Variants in COL4A1 observed in about 807,000 individuals in gnomAD.
COL4A1 encodes the protein collagen type IV alpha 1 chain, also known as collagen alpha-1(IV) chain.
Under a neutral mutation model 216.6 loss-of-function variants are expected in COL4A1, and 40 were observed. That is an observed-to-expected ratio of 0.18 (90% confidence interval 0.14 to 0.24). The LOEUF is 0.24. Ranked by LOEUF, COL4A1 falls within the 10% of genes least tolerant of loss-of-function variation. The probability of loss-of-function intolerance (pLI) is 1.00; values close to 1 mark genes in which losing one functional copy is unlikely to be tolerated. For synonymous variants in COL4A1, 839 were observed against 810.7 expected (o/e 1.03, Z -0.59); for missense variants, 1,628 against 2,196.8 (o/e 0.74, Z 5.18).
chr13:110,256,555 G>GA (rs1882579136), intron 1 of COL4A1, among the ~76,000 whole-genome samples: 1 of 152,160 alleles, frequency 6.6e-6, no homozygotes, highest in African/African-American at 2.4e-5. Context: ...TCCAGAAAGA[G>GA]AAAGCAAGGG....
At chr13:110,226,831 TAAAATCTTGGTTTTA>T (rs1446321694) in intron 2 of COL4A1, among the ~76,000 whole-genome samples, 1 of 152,246 alleles carries the variant, frequency 6.6e-6, no homozygotes, top group Non-Finnish European at 1.5e-5. Context: ...GTGTTTTGCT[TAAAATCTTGGTTTTA>T]AAACTGAATA....
In COL4A1 at chr13:110,233,277, T is replaced by A. The variant is rs553792291; in HGVS notation, c.144+9398A>T. On this transcript the variant is annotated intron_variant, in intron 2 of 51. Transcript: ENST00000375820. ...GCCAGATGATGATTCATGTGCGGTATGTGGAAATAGGAAATAGGGGACATC... is the reference window on the plus strand; with the variant it reads ...GCCAGATGATGATTCATGTGCGGTAAGTGGAAATAGGAAATAGGGGACATC... Among the ~76,000 whole-genome samples the A allele has an allele frequency of 4.6e-5, 7 of 152,180 alleles. No homozygotes were observed. The East Asian group carries it at 1.4e-3, about 29-fold the overall frequency.
rs1025831368 is a variant in COL4A1 at position 110,164,714 on chromosome 13, G to A, written c.4150+148C>T. Reference sequence around the variant, plus strand: ...TTAAAAATGTCATAGGTTTTGATATGCATTGAAGGGAGGTAAGAAACTCAT... The same window carrying A: ...TTAAAAATGTCATAGGTTTTGATATACATTGAAGGGAGGTAAGAAACTCAT... On this transcript the variant is annotated intron_variant, in intron 46 of 51. Transcript: ENST00000375820. The A allele has an allele frequency of 1.7e-5, 20 of 1,203,820 alleles. No individual in the cohort carries two copies. The highest frequency in any genetic ancestry group is 8.9e-5 in the Admixed American group (3 of 33,586). The allele number at this position is 1,203,820 out of a possible 1,614,324, so 74.6% of individuals were successfully genotyped here.
intron 36 of COL4A1, 135 bp from the exon 37 acceptor site, chr13:110,175,492 C>T (rs1266625580): frequency 6.9e-7 from 1 of 1,441,270 alleles, no homozygotes; most frequent in African/African-American, 1.4e-5. Flanking sequence ...GATTGAGATA[C>T]AAGAATGCAC....
intron 1 of COL4A1, among the ~76,000 whole-genome samples, chr13:110,249,918 C>A (rs988897276): frequency 6.6e-6 from 1 of 152,142 alleles, no homozygotes; most frequent in African/African-American, 2.4e-5. Flanking sequence ...AAATTAACTT[C>A]TCTCCCTTAT....
chr13:110,243,307 T>C (rs891550904), intron 1 of COL4A1, among the ~76,000 whole-genome samples: 4 of 152,146 alleles, frequency 2.6e-5, no homozygotes, highest in Non-Finnish European at 5.9e-5. Flanking sequence ...AACAACAAAA[T>C]ATTCTTGTAG....
At chr13:110,228,664 C>T (rs1347663336) in intron 2 of COL4A1, among the ~76,000 whole-genome samples, 1 of 152,216 alleles carries the variant, frequency 6.6e-6, no homozygotes, top group African/African-American at 2.4e-5. Context: ...CCTAAATTAT[C>T]ATCTATTTCC....
intron 1 of COL4A1, among the ~76,000 whole-genome samples, chr13:110,288,278 AAT>A (rs1883928161): frequency 3.0e-5 from 4 of 133,804 alleles, no homozygotes; most frequent in African/African-American, 6.0e-5. Flanking sequence ...AAAAAAAAAT[AAT>A]AATAATAATA....
intron 4 of COL4A1, among the ~76,000 whole-genome samples, chr13:110,213,419 C>T (rs1879915726): frequency 6.6e-6 from 1 of 152,194 alleles, no homozygotes; most frequent in African/African-American, 2.4e-5. Context: ...AATACCATGA[C>T]TTTTCCATTA....
intron 1 of COL4A1, among the ~76,000 whole-genome samples, chr13:110,282,802 T>A (rs1883686111): frequency 3.3e-5 from 5 of 152,208 alleles, no homozygotes; most frequent in Admixed American, 3.3e-4. Flanking sequence ...ATTTAAGTAT[T>A]CACAAGCTTT....
rs543247126 is a variant in COL4A1 at position 110,293,257 on chromosome 13, G to A, written c.84+13687C>T. On this transcript the variant is annotated intron_variant, in intron 1 of 51. Coordinates refer to ENST00000375820, the MANE Select transcript of COL4A1 (RefSeq NM_001845.6). ...GGCACCTAGAGAAGTGTTTCTGGAC[G>A]TCTGCAGGCTGCCAAAGCTGGGGGC... Among the ~76,000 whole-genome samples, 6 of 152,314 alleles carry A rather than the reference G, an allele frequency of 3.9e-5. No homozygotes were observed. In the East Asian group the frequency reaches 5.8e-4, roughly 15 times the overall value.
At chr13:110,213,875 A>G (rs1211217979) in intron 3 of COL4A1, 49 bp from the exon 4 acceptor site, 1 of 1,613,378 alleles carries the variant, frequency 6.2e-7, no homozygotes, top group Non-Finnish European at 8.5e-7. Context: ...CTATCTCAAG[A>G]ATGCGGGCAA....
At chr13:110,213,902 C>A in intron 3 of COL4A1, 24 bp downstream of exon 3, 1 of 1,613,664 alleles carries the variant, frequency 6.2e-7, no homozygotes, top group Non-Finnish European at 8.5e-7. Context: ...ATCCACCCAC[C>A]CCCAATCCCA....
At chr13:110,203,494 T>C in intron 18 of COL4A1, 72 bp downstream of exon 18, 1 of 1,552,276 alleles carries the variant, frequency 6.4e-7, no homozygotes, top group East Asian at 2.3e-5. Flanking sequence ...CCCCCAGTGC[T>C]CTCACAGACC....
intron 10 of COL4A1, 150 bp downstream of exon 10, chr13:110,209,830 C>T (rs768429125): frequency 3.1e-6 from 3 of 980,184 alleles, no homozygotes; most frequent in South Asian, 1.3e-5. Flanking sequence ...GCCAGCCAAA[C>T]GTTTAGTAAG....
intron 40 of COL4A1, 114 bp from the exon 41 acceptor site, chr13:110,172,884 A>C (rs1254093516): frequency 1.2e-6 from 1 of 855,350 alleles, no homozygotes; most frequent in African/African-American, 1.7e-5. Context: ...TGGAGTACAT[A>C]GATATTAGTT....
At chr13:110,153,915 C>T (rs1474761438) in intron 50 of COL4A1, among the ~76,000 whole-genome samples, 1 of 152,172 alleles carries the variant, frequency 6.6e-6, no homozygotes, top group East Asian at 1.9e-4. Context: ...GAAGGTGGAA[C>T]AGAGACCCTC....
intron 1 of COL4A1, among the ~76,000 whole-genome samples, chr13:110,296,570 C>T (rs1314319822): frequency 3.9e-5 from 6 of 152,172 alleles, no homozygotes; most frequent in Non-Finnish European, 5.9e-5. Flanking sequence ...CTTCTGACAC[C>T]GGCTGTGTGG....
At chr13:110,202,238 TAAA>T (rs564963734) in intron 18 of COL4A1, among the ~76,000 whole-genome samples, 27 of 121,100 alleles carry the variant, frequency 2.2e-4, no homozygotes, top group African/African-American at 7.7e-4. Flanking sequence ...GGAACACTCT[TAAA>T]AAAAAAAAAA....
Sources: allele counts gnomAD v4.1 joint callset (sites outside exome capture counted in the v4.1 genomes callset), GRCh38; gene constraint gnomAD v4.1.1; transcripts MANE v1.5; gene names NCBI Gene and HGNC (gene_info 2026-07-23, HGNC 2026-07-21).